SLC24A2: variants seen among roughly 807,000 people sequenced by gnomAD.
The protein encoded by SLC24A2 is solute carrier family 24 member 2.
In SLC24A2, 36 loss-of-function variants were observed where a neutral mutation model predicts 62.0. The observed-to-expected ratio is 0.58, with a 90% CI of 0.44 to 0.77. SLC24A2 has a LOEUF of 0.77. SLC24A2 is among the 30% of genes least tolerant of loss of function. The probability of loss-of-function intolerance (pLI) is 0.00; values close to 1 mark genes in which losing one functional copy is unlikely to be tolerated. For synonymous variants in SLC24A2, 358 were observed against 294.0 expected, an observed-to-expected ratio of 1.22 and a Z score of -2.23; for missense variants, 846 against 817.9, an observed-to-expected ratio of 1.03 and a Z score of -0.42.
chr9:20,098,253 C>G, the SLC24A2 span, among the ~76,000 whole-genome samples: 4 of 152,252 alleles, frequency 2.6e-5, no homozygotes, highest in African/African-American at 7.2e-5. Flanking sequence ...TCATTGATAT[C>G]AGACTATATT....
At chr9:19,962,294 G>A in the SLC24A2 span, among the ~76,000 whole-genome samples, 1 of 152,174 alleles carries the variant, frequency 6.6e-6, no homozygotes, top group Non-Finnish European at 1.5e-5. Flanking sequence ...AAGTCAGGTA[G>A]CGTGATGCCT....
chr9:20,103,069 C>T, the SLC24A2 span, among the ~76,000 whole-genome samples: 3,990 of 152,298 alleles, frequency 0.026, 79 homozygotes, highest in Middle Eastern at 0.088. Flanking sequence ...TTGGAGTGTC[C>T]TACGCCCACG....
chr9:19,875,667 A>G, the SLC24A2 span, among the ~76,000 whole-genome samples: 2 of 152,240 alleles, frequency 1.3e-5, no homozygotes, highest in African/African-American at 2.4e-5. Flanking sequence ...TATGAAGTAC[A>G]GGCCTGCACC....
At chr9:20,055,744 C>T in the SLC24A2 span, among the ~76,000 whole-genome samples, 3 of 151,920 alleles carry the variant, frequency 2.0e-5, no homozygotes, top group African/African-American at 4.8e-5. Context: ...AAATATTAGC[C>T]AGGTGTGGTG....
At chr9:20,098,087 T>A in the SLC24A2 span, among the ~76,000 whole-genome samples, 1 of 152,028 alleles carries the variant, frequency 6.6e-6, no homozygotes, top group Non-Finnish European at 1.5e-5. Flanking sequence ...ATAAAGTATA[T>A]ATAAAGTATA....
At chr9:19,713,182 G>T (rs1433037215) in intron 2 of SLC24A2, among the ~76,000 whole-genome samples, 1 of 152,028 alleles carries the variant, frequency 6.6e-6, no homozygotes, top group Non-Finnish European at 1.5e-5. Context: ...CTAGCACCTA[G>T]TATCTAGTTG....
chr9:19,982,481 T>C, the SLC24A2 span, among the ~76,000 whole-genome samples: 1 of 152,106 alleles, frequency 6.6e-6, no homozygotes, highest in African/African-American at 2.4e-5. Flanking sequence ...CTTGAGATGA[T>C]TGATATTTTG....
intron 2 of SLC24A2, among the ~76,000 whole-genome samples, chr9:19,650,442 A>T (rs10811222): frequency 2.0e-5 from 3 of 151,956 alleles, no homozygotes; most frequent in Admixed American, 6.5e-5. Flanking sequence ...GACCATAGCT[A>T]CCATTTTGCT....
At chr9:19,681,226 C>G (rs1819713371) in intron 2 of SLC24A2, among the ~76,000 whole-genome samples, 2 of 152,048 alleles carry the variant, frequency 1.3e-5, no homozygotes, top group Admixed American at 1.3e-4. Flanking sequence ...ATTATTCTCT[C>G]TGCAATGCTG....
chr9:19,830,287 C>T, the SLC24A2 span, among the ~76,000 whole-genome samples: 1 of 152,160 alleles, frequency 6.6e-6, no homozygotes, highest in Non-Finnish European at 1.5e-5. Context: ...TAAGTTCTTT[C>T]CAAAAACTCC....
chr9:19,812,877 C>T, the SLC24A2 span, among the ~76,000 whole-genome samples: 1 of 152,152 alleles, frequency 6.6e-6, no homozygotes, highest in Non-Finnish European at 1.5e-5. Context: ...TTATTCTTTG[C>T]TCCTAAGGTG....
At chr9:19,990,209 G>A in the SLC24A2 span, among the ~76,000 whole-genome samples, 1 of 152,114 alleles carries the variant, frequency 6.6e-6, no homozygotes, top group African/African-American at 2.4e-5. Flanking sequence ...TGGGGCTTAG[G>A]AGGATTAAAT....
the SLC24A2 span, among the ~76,000 whole-genome samples, chr9:19,832,566 C>T: frequency 7.2e-5 from 11 of 152,108 alleles, no homozygotes; most frequent in Non-Finnish European, 1.2e-4. Context: ...GGATCCCTTC[C>T]TTACACCTTA....
At chr9:19,532,419 A>G (rs975791216) in intron 8 of SLC24A2, among the ~76,000 whole-genome samples, 6 of 152,256 alleles carry the variant, frequency 3.9e-5, no homozygotes, top group African/African-American at 1.4e-4. Flanking sequence ...AATCAGCTCT[A>G]AATTATTTGA....
chr9:20,226,590 G>T, the SLC24A2 span, among the ~76,000 whole-genome samples: 1 of 152,042 alleles, frequency 6.6e-6, no homozygotes, highest in Admixed American at 6.6e-5. Flanking sequence ...CTTTCTTTGG[G>T]GCTCCCTTGG....
chr9:19,684,926 G>T (rs1819835588), intron 2 of SLC24A2, among the ~76,000 whole-genome samples: 1 of 152,020 alleles, frequency 6.6e-6, no homozygotes, highest in Admixed American at 6.6e-5. Context: ...GTTTGCAGAT[G>T]ATATAATTCT....
chr9:19,609,298 G>C (rs552871885), intron 4 of SLC24A2, among the ~76,000 whole-genome samples: 2 of 152,244 alleles, frequency 1.3e-5, no homozygotes, highest in Non-Finnish European at 1.5e-5. Context: ...CTCACCAAGA[G>C]CAGTTAGTGA....
At chr9:19,768,902 C>T (rs924061418) in intron 2 of SLC24A2, among the ~76,000 whole-genome samples, 3 of 152,126 alleles carry the variant, frequency 2.0e-5, no homozygotes, top group Admixed American at 6.5e-5. Flanking sequence ...TGCTTCAATG[C>T]TATGAATCCC....
At chr9:20,294,336 T>C in the SLC24A2 span, among the ~76,000 whole-genome samples, 2 of 152,100 alleles carry the variant, frequency 1.3e-5, no homozygotes, top group South Asian at 2.1e-4. Context: ...AATGGTAATA[T>C]TGGAATACCT....
Sources: allele counts gnomAD v4.1 joint callset (sites outside exome capture counted in the v4.1 genomes callset), GRCh38; gene constraint gnomAD v4.1.1; transcripts MANE v1.5; gene names NCBI Gene and HGNC (gene_info 2026-07-23, HGNC 2026-07-21).